TBX4: variants seen among roughly 807,000 people sequenced by gnomAD.
The protein encoded by TBX4 is T-box transcription factor 4, also known as T-box transcription factor TBX4.
Under a neutral mutation model 54.6 loss-of-function variants are expected in TBX4, and 13 were observed. The observed-to-expected ratio is 0.24, with a 90% CI of 0.15 to 0.38. The LOEUF (loss-of-function observed/expected upper bound fraction) is 0.38, where lower values mean the gene tolerates loss of function less well. Among genes scored for constraint, TBX4 ranks in the 10% least tolerant of loss-of-function variants. The pLI is 1.00. For missense variants in TBX4, 631 were observed against 728.5 expected (o/e 0.87, Z 1.54); for synonymous variants, 314 against 306.7 (o/e 1.02, Z -0.25).
chr17:61,484,937 TATAA>T lies in TBX4; in HGVS notation c.*1429_*1432del, dbSNP rs1184628561. Reference sequence around the variant, plus strand: ...AACTAAGAATGGTTTAGATAAAACATATAAATAAATATATATATATATATATATA... The same window carrying T: ...AACTAAGAATGGTTTAGATAAAACATATAAATATATATATATATATATATA... On this transcript the variant is annotated 3_prime_UTR_variant, in exon 9 of 9. Coordinates refer to ENST00000644296, the MANE Select transcript of TBX4 (RefSeq NM_001321120.2). The surrounding 1 kb of genome is among the most constrained non-coding windows in gnomAD (Gnocchi z 4.1). The T allele has an allele frequency of 4.8e-5, 5 of 104,178 alleles. No individual in the cohort carries two copies. In the South Asian group the frequency reaches 1.1e-3, roughly 23 times the overall value. 6.5% of individuals were successfully genotyped at this position (104,178 alleles called of 1,614,324 possible).
At position 61,478,667 on chromosome 17, in the gene TBX4, A is replaced by G; in HGVS notation, c.590A>G (p.His197Arg). 6.2e-7 allele frequency: 1 copy of G among 1,614,212 alleles called. No homozygotes were observed. Among genetic ancestry groups the G allele is most frequent in the Non-Finnish European group, 8.5e-7 (1 of 1,180,034 alleles). Reference sequence around the variant, plus strand: ...ATGCACAAGTACCAGCCGCGGCTCCACATCGTTAAGGCTGATGAGAACAAT... The same window carrying G: ...ATGCACAAGTACCAGCCGCGGCTCCGCATCGTTAAGGCTGATGAGAACAAT... Reference protein sequence around the residue: ...NSMHKYQPRLHIVKADENNAF... With the variant: ...NSMHKYQPRLRIVKADENNAF... Residue 197 changes from histidine to arginine, a missense_variant, in exon 6 of 9, where the codon CAC (histidine) becomes CGC (arginine). Physicochemically the swap from His to Arg is conservative, Grantham distance 29. Transcript: ENST00000644296. The surrounding 1 kb of genome is among the most constrained non-coding windows in gnomAD (Gnocchi z 7.4).
intron 3 of TBX4, chr17:61,463,131 C>CCCCCA (rs1189837801): frequency 1.3e-5 from 2 of 152,328 alleles, no homozygotes; most frequent in African/African-American, 2.4e-5. Flanking sequence ...TGCTTAGGGC[C>CCCCCA]CCCCACCCCA....
At chr17:61,467,786 T>G (rs1023346038) in intron 5 of TBX4, 129 bp downstream of exon 5, 7 of 1,203,296 alleles carry the variant, frequency 5.8e-6, no homozygotes, top group African/African-American at 1.5e-5. Context: ...CACTGACCAG[T>G]TTAGGGAAGG....
At chr17:61,455,488 G>A (rs940361937) in intron 1 of TBX4, among the ~76,000 whole-genome samples, 8 of 152,254 alleles carry the variant, frequency 5.3e-5, no homozygotes, top group Non-Finnish European at 8.8e-5. Context: ...CTCTCAGGCT[G>A]TGCTCTCATC....
Position 61,461,403 on chromosome 17 carries a change from C to T in TBX4, c.281+3772C>T, listed in dbSNP as rs569484964. On this transcript the variant is annotated intron_variant, in intron 3 of 8. Transcript: ENST00000644296. The surrounding 1 kb of genome is among the most constrained non-coding windows in gnomAD (Gnocchi z 5.1). The stretch of plus-strand genomic sequence containing the variant: ...CAGCAGCCCCACTCCTAACCCCAGC[C>T]TTGGATGCTGGGCCCTGGCCTCTTC... Among the ~76,000 whole-genome samples the T allele has an allele frequency of 1.3e-3, 196 of 152,274 alleles. 1 individual carries two copies. The highest frequency in any genetic ancestry group is 4.6e-3 in the African/African-American group (191 of 41,548).
At chr17:61,453,668 A>G (rs1163209687) in intron 1 of TBX4, among the ~76,000 whole-genome samples, 1 of 152,234 alleles carries the variant, frequency 6.6e-6, no homozygotes, top group Non-Finnish European at 1.5e-5. Context: ...AATAACAAGA[A>G]GTAATGATGT....
intron 4 of TBX4, among the ~76,000 whole-genome samples, chr17:61,466,828 G>A (rs1453850158): frequency 6.6e-6 from 1 of 152,198 alleles, no homozygotes; most frequent in African/African-American, 2.4e-5. Context: ...CCTCTGAGAA[G>A]CTCCCTCTAA....
intron 5 of TBX4, among the ~76,000 whole-genome samples, chr17:61,470,123 TGA>T (rs1292163259): frequency 6.6e-6 from 1 of 152,162 alleles, no homozygotes; most frequent in Non-Finnish European, 1.5e-5. Context: ...TGAGAGCTCA[TGA>T]GAGTGGCTGT....
chr17:61,463,997 G>A (rs750303085), intron 3 of TBX4, among the ~76,000 whole-genome samples: 1 of 152,190 alleles, frequency 6.6e-6, no homozygotes, highest in Non-Finnish European at 1.5e-5. Flanking sequence ...TGGTAAGCAG[G>A]AGGCAGGGTT....
rs1047255932 is a variant in TBX4, at chr17:61,484,874, A to ACAT, written c.*1360_*1362dup. 2.0e-5 allele frequency: 3 copies of ACAT among 148,048 alleles called. No homozygotes were observed. The highest frequency in any genetic ancestry group is 6.8e-5 in the Admixed American group (1 of 14,806). 9.2% of individuals were successfully genotyped at this position (148,048 alleles called of 1,614,324 possible). On this transcript the variant is annotated 3_prime_UTR_variant, in exon 9 of 9. Coordinates refer to ENST00000644296, the MANE Select transcript of TBX4 (RefSeq NM_001321120.2). The surrounding 1 kb of genome is among the most constrained non-coding windows in gnomAD (Gnocchi z 4.1). The stretch of plus-strand genomic sequence containing the variant: ...AACGTTGGAGGGGGTATTTGGAAAG[A>ACAT]CATCTATTTAAATTTTTATTACATG...
chr17:61,456,351 C>T, intron 1 of TBX4, 137 bp from the exon 2 acceptor site: 2 of 1,195,376 alleles, frequency 1.7e-6, no homozygotes, highest in South Asian at 2.6e-5. Context: ...TCCTCCAGCT[C>T]AGGAGGGGGC....
chr17:61,469,617 C>T (rs2060561665), intron 5 of TBX4, among the ~76,000 whole-genome samples: 1 of 152,196 alleles, frequency 6.6e-6, no homozygotes, highest in Non-Finnish European at 1.5e-5. Context: ...CTTCTGCTTC[C>T]AGGTCCAGTG....
chr17:61,456,428 C>T, intron 1 of TBX4, 60 bp from the exon 2 acceptor site: 1 of 1,538,388 alleles, frequency 6.5e-7, no homozygotes, highest in East Asian at 2.5e-5. Flanking sequence ...TGGAGAGGGC[C>T]AGGGGTCCTC....
Position 61,462,460 on chromosome 17 carries a change from T to C in TBX4, c.282-3359T>C, listed in dbSNP as rs1175889514. 7.3e-6 allele frequency among the ~76,000 whole-genome samples: 1 copy of C among 136,430 alleles called. No individual in the cohort carries two copies. Among genetic ancestry groups the C allele is most frequent in the African/African-American group, 2.8e-5 (1 of 35,788 alleles). The allele number at this position is 136,430 out of a possible 152,430, so 89.5% of individuals were successfully genotyped here. The stretch of plus-strand genomic sequence containing the variant: ...GCGCGGAGAGAAGGTGCGGGGCACG[T>C]GGAAAGCGTGCCGAGGGGCTGGGAA... On this transcript the variant is annotated intron_variant, in intron 3 of 8. Transcript: ENST00000644296. This position sits in a 1 kb window ranked among gnomAD's most constrained non-coding sequence, Gnocchi z 4.5.
Position 61,483,025 on chromosome 17 carries a change from T to C in TBX4, c.1150T>C (p.Cys384Arg), listed in dbSNP as rs577394793. ...CCAGCAAATGCTGAGCCCCTCCTAC[T>C]GCAGTGAGGTGACCCCCAGAGAAGC... ...YDQQMLSPSY[C>R]SEVTPREACM... The change falls in exon 9 of 9, where the codon TGC (cysteine) becomes CGC (arginine). Residue 384 changes from cysteine to arginine, a missense_variant. Physicochemically the swap from Cys to Arg is radical, Grantham distance 180. Around this residue, in one of 3 missense-constraint regions of TBX4, gnomAD observed 354 missense variants for 368.9 expected, o/e 0.96. Coordinates refer to ENST00000644296, the MANE Select transcript of TBX4 (RefSeq NM_001321120.2). The surrounding 1 kb of genome is among the most constrained non-coding windows in gnomAD (Gnocchi z 6.6). 160 of 1,613,972 alleles carry C rather than the reference T, an allele frequency of 9.9e-5. 2 individuals carry two copies. In the South Asian group the frequency reaches 1.5e-3, roughly 16 times the overall value.
chr17:61,476,654 C>T lies in TBX4; in HGVS notation c.550-1973C>T, dbSNP rs1328127074. Among the ~76,000 whole-genome samples, 3 of 152,234 alleles carry T rather than the reference C, an allele frequency of 2.0e-5. No individual in the cohort carries two copies. Among genetic ancestry groups the T allele is most frequent in the Non-Finnish European group, 4.4e-5 (3 of 68,046 alleles). On this transcript the variant is annotated intron_variant, in intron 5 of 8. Coordinates refer to ENST00000644296, the MANE Select transcript of TBX4 (RefSeq NM_001321120.2). This position sits in a 1 kb window ranked among gnomAD's most constrained non-coding sequence, Gnocchi z 6.5. ...CACTCTGCATTCCTCACCTGGCAGG[C>T]CCCCAGTCGGGCAGCAGGTCCCCAG...
rs2060686568 is a variant in TBX4, at chr17:61,484,020, C to A, written c.*504C>A. On this transcript the variant is annotated 3_prime_UTR_variant, in exon 9 of 9. Transcript: ENST00000644296. This position sits in a 1 kb window ranked among gnomAD's most constrained non-coding sequence, Gnocchi z 4.1. Reference sequence around the variant, plus strand: ...GGAGCTGAGAATCTGGTTTTGGTAGCAGGAGGCCCACTCCTTTGACTTCTG... The same window carrying A: ...GGAGCTGAGAATCTGGTTTTGGTAGAAGGAGGCCCACTCCTTTGACTTCTG... 5.8e-6 allele frequency: 1 copy of A among 172,728 alleles called. No homozygotes were observed. The highest frequency in any genetic ancestry group is 1.3e-5 in the Non-Finnish European group (1 of 79,794). The allele number at this position is 172,728 out of a possible 1,614,324, so 10.7% of individuals were successfully genotyped here. A position where few individuals can be genotyped will look rare whatever the true frequency, so the allele number is the denominator to read the frequency against.
rs79777347 is a variant in TBX4 at position 61,472,215 on chromosome 17, G to A, written c.549+4558G>A. Among the ~76,000 whole-genome samples the A allele has an allele frequency of 0.02, 3,114 of 152,252 alleles. 107 individuals are homozygous for A. Among genetic ancestry groups the A allele is most frequent in the African/African-American group, 0.071 (2,947 of 41,498 alleles). ...GATAAATGGCCTGTTCAAAGGGTAC[G>A]TGGATTTGTAACTTTGAAAATATCA... On this transcript the variant is annotated intron_variant, in intron 5 of 8. Transcript: ENST00000644296. This position sits in a 1 kb window ranked among gnomAD's most constrained non-coding sequence, Gnocchi z 4.5.
At position 61,461,197 on chromosome 17, in the gene TBX4, C is replaced by A. The variant is rs1046658094; in HGVS notation, c.281+3566C>A. Among the ~76,000 whole-genome samples the A allele has an allele frequency of 6.6e-6, 1 of 152,214 alleles. No homozygotes were observed. The highest frequency in any genetic ancestry group is 1.5e-5 in the Non-Finnish European group (1 of 68,036). ...CCGATCTTCCAAAACAACATCCATT[C>A]CACACACTCTCACCCCTGCCCCTCC... On this transcript the variant is annotated intron_variant, in intron 3 of 8. Transcript: ENST00000644296. This position sits in a 1 kb window ranked among gnomAD's most constrained non-coding sequence, Gnocchi z 5.1.
Sources: allele counts gnomAD v4.1 joint callset (sites outside exome capture counted in the v4.1 genomes callset), GRCh38; gene constraint gnomAD v4.1.1; regional missense constraint gnomAD v4.1.1; non-coding constraint Gnocchi (gnomAD v3.1); transcripts MANE v1.5; gene names NCBI Gene and HGNC (gene_info 2026-07-23, HGNC 2026-07-21).